NYAP2: variants seen among roughly 807,000 people sequenced by gnomAD.
The protein encoded by NYAP2 is neuronal tyrosine-phosphorylated phosphoinositide-3-kinase adaptor 2, also known as neuronal tyrosine-phosphorylated phosphoinositide-3-kinase adapter 2.
NYAP2 carries 23 observed loss-of-function variants against 50.4 expected under a neutral mutation model. That is an observed-to-expected ratio of 0.46 (90% confidence interval 0.33 to 0.65). The LOEUF is 0.65. Ranked by LOEUF, NYAP2 falls within the 30% of genes least tolerant of loss-of-function variation. The probability of loss-of-function intolerance (pLI) is 0.02; values close to 1 mark genes in which losing one functional copy is unlikely to be tolerated. For missense variants in NYAP2, 885 were observed against 861.0 expected, an observed-to-expected ratio of 1.03 and a Z score of -0.35; for synonymous variants, 394 against 365.2, an observed-to-expected ratio of 1.08 and a Z score of -0.90.
chr2:225,611,591 T>C (rs1692885546), intron 5 of NYAP2, among the ~76,000 whole-genome samples: 1 of 151,740 alleles, frequency 6.6e-6, no homozygotes, highest in Admixed American at 6.6e-5. Flanking sequence ...TTTCTCGACT[T>C]CCCTCCTTAA....
intron 3 of NYAP2, among the ~76,000 whole-genome samples, chr2:225,429,697 G>A (rs1187040640): frequency 2.0e-5 from 3 of 152,206 alleles, no homozygotes; most frequent in South Asian, 2.1e-4. Context: ...TAGCACATAT[G>A]TTTGCAGAAT....
chr2:225,600,467 G>T (rs1402970894), intron 5 of NYAP2, among the ~76,000 whole-genome samples: 1 of 152,140 alleles, frequency 6.6e-6, no homozygotes, highest in East Asian at 1.9e-4. Context: ...GGCAAAAAGG[G>T]GGTTTGTTTT....
At chr2:225,665,510 T>G in the NYAP2 span, among the ~76,000 whole-genome samples, 1 of 151,444 alleles carries the variant, frequency 6.6e-6, no homozygotes, top group Non-Finnish European at 1.5e-5. Flanking sequence ...AACAGTCTCA[T>G]GAGCTGCGTG....
chr2:225,622,873 C>A (rs1209083242), intron 5 of NYAP2, among the ~76,000 whole-genome samples: 3 of 152,128 alleles, frequency 2.0e-5, no homozygotes, highest in Non-Finnish European at 4.4e-5. Context: ...GCTTCAGCCA[C>A]CATGCCCAGC....
chr2:225,546,266 CA>C (rs1227171018), intron 4 of NYAP2, among the ~76,000 whole-genome samples: 1 of 152,220 alleles, frequency 6.6e-6, no homozygotes, highest in African/African-American at 2.4e-5. Flanking sequence ...TCCTTCCCTT[CA>C]GGGCGACAAG....
At chr2:225,458,720 T>C (rs1198539782) in intron 3 of NYAP2, among the ~76,000 whole-genome samples, 1 of 152,256 alleles carries the variant, frequency 6.6e-6, no homozygotes, top group East Asian at 1.9e-4. Context: ...ACTAAACGTG[T>C]CCCACCTTTA....
intron 3 of NYAP2, among the ~76,000 whole-genome samples, chr2:225,428,681 T>C (rs371472417): frequency 2.5e-4 from 38 of 152,348 alleles, no homozygotes; most frequent in African/African-American, 8.7e-4. Flanking sequence ...GCCAATTCTT[T>C]GGAAGAGATT....
chr2:225,699,871 G>T, the NYAP2 span: 2 of 151,730 alleles, frequency 1.3e-5, no homozygotes, highest in Non-Finnish European at 2.9e-5. Flanking sequence ...TATAAATATT[G>T]CCACGAATGA....
chr2:225,486,669 T>A (rs1180222456), intron 3 of NYAP2, among the ~76,000 whole-genome samples: 2 of 152,194 alleles, frequency 1.3e-5, no homozygotes, highest in Non-Finnish European at 2.9e-5. Flanking sequence ...TTCAAAGCAA[T>A]TGTAGCTATT....
chr2:225,670,605 C>CA, the NYAP2 span, among the ~76,000 whole-genome samples: 376 of 78,508 alleles, frequency 4.8e-3, 4 homozygotes, highest in South Asian at 0.029. Context: ...CAGTATTTTC[C>CA]AAAAAAAAAA....
chr2:225,469,940 G>A (rs1324689220), intron 3 of NYAP2, among the ~76,000 whole-genome samples: 1 of 152,118 alleles, frequency 6.6e-6, no homozygotes, highest in African/African-American at 2.4e-5. Flanking sequence ...CATGGCACGT[G>A]TATACCTGTG....
chr2:225,503,915 T>G (rs191432448), intron 3 of NYAP2, among the ~76,000 whole-genome samples: 18 of 152,280 alleles, frequency 1.2e-4, no homozygotes, highest in Non-Finnish European at 1.5e-5. Context: ...GTATATTGCA[T>G]GACAATACTG....
At chr2:225,505,904 T>C (rs1285267350) in intron 3 of NYAP2, among the ~76,000 whole-genome samples, 2 of 152,242 alleles carry the variant, frequency 1.3e-5, no homozygotes, top group East Asian at 3.9e-4. Context: ...ATGAAGCAGG[T>C]CCGGACTTCT....
chr2:225,663,955 T>C, the NYAP2 span, among the ~76,000 whole-genome samples: 1 of 152,164 alleles, frequency 6.6e-6, no homozygotes, highest in Non-Finnish European at 1.5e-5. Flanking sequence ...TGGCAAACTA[T>C]TGCTTATTTG....
At chr2:225,681,998 C>T in the NYAP2 span, among the ~76,000 whole-genome samples, 3 of 152,138 alleles carry the variant, frequency 2.0e-5, no homozygotes, top group East Asian at 5.8e-4. Flanking sequence ...TTGTTTTTAG[C>T]ATTTCAATTA....
the NYAP2 span, among the ~76,000 whole-genome samples, chr2:225,691,653 G>A: frequency 5.3e-5 from 8 of 152,074 alleles, no homozygotes; most frequent in African/African-American, 9.7e-5. Flanking sequence ...ACCCCTGGCC[G>A]ACCTCATGAC....
chr2:225,607,943 A>G (rs1692816591), intron 5 of NYAP2, among the ~76,000 whole-genome samples: 1 of 152,174 alleles, frequency 6.6e-6, no homozygotes, highest in Non-Finnish European at 1.5e-5. Context: ...CATTTTTAAT[A>G]CGCAGAGAAT....
At chr2:225,624,267 G>A (rs544378245) in intron 5 of NYAP2, among the ~76,000 whole-genome samples, 7 of 152,038 alleles carry the variant, frequency 4.6e-5, no homozygotes, top group Non-Finnish European at 8.8e-5. Flanking sequence ...AAAGTGTTTC[G>A]TTTATCAACA....
intron 3 of NYAP2, among the ~76,000 whole-genome samples, chr2:225,416,731 T>C (rs1695129541): frequency 6.6e-6 from 1 of 152,176 alleles, no homozygotes; most frequent in Non-Finnish European, 1.5e-5. Flanking sequence ...TTTAATTATA[T>C]CCTAGACCTA....
Sources: gnomAD v4.1 joint callset for allele counts (sites outside exome capture counted in the v4.1 genomes callset) on GRCh38, gnomAD v4.1.1 for gene constraint, MANE v1.5 for transcripts, NCBI Gene and HGNC (gene_info 2026-07-23, HGNC 2026-07-21) for gene names.